The following ZNF701 variants were observed in gnomAD, a reference collection of about 807,000 sequenced individuals.
The protein encoded by ZNF701 is zinc finger protein 701.
A neutral mutation model predicts 7.1 loss-of-function variants in ZNF701; 6 were observed. The ratio of observed to expected loss-of-function variants is 0.84; its 90% CI spans 0.46 to 1.66. ZNF701 has a LOEUF of 1.66. Among genes scored for constraint, ZNF701 ranks in the 40% most tolerant of loss-of-function variants. ZNF701 has a pLI of 0.01. For missense variants in ZNF701, 541 were observed against 559.2 expected, an observed-to-expected ratio of 0.97 and a Z score of 0.33; for synonymous variants, 166 against 188.2, an observed-to-expected ratio of 0.88 and a Z score of 0.97.
Position 52,583,863 on chromosome 19 carries a change from G to A in ZNF701, c.*406G>A, listed in dbSNP as rs1009410123. The A allele has an allele frequency of 4.1e-6, 2 of 486,294 alleles. No individual in the cohort carries two copies. Among genetic ancestry groups the A allele is most frequent in the African/African-American group, 2.0e-5 (1 of 51,068 alleles). 30.1% of individuals were successfully genotyped at this position (486,294 alleles called of 1,614,324 possible). ...AAAACATTGGAGAATCCATAATGAA[G>A]GAGGTCTTACAAGTGTAATAAATGT... On this transcript the variant is annotated 3_prime_UTR_variant, in exon 4 of 4. Coordinates refer to ENST00000391785, the MANE Select transcript of ZNF701 (RefSeq NM_018260.3).
rs191437032 is a variant in ZNF701 at position 52,586,452 on chromosome 19, C to T, written c.*2995C>T. ...TCTCCTCTATCCAGGAGACGGGTTT[C>T]ACCATTTTGCCAGGTTTGTCTCAAA... On this transcript the variant is annotated 3_prime_UTR_variant, in exon 4 of 4. Coordinates refer to ENST00000391785, the MANE Select transcript of ZNF701 (RefSeq NM_018260.3). 8 of 152,266 alleles carry T rather than the reference C, an allele frequency of 5.3e-5. No individual in the cohort carries two copies. The highest frequency in any genetic ancestry group is 1.4e-4 in the African/African-American group (6 of 41,560). 9.4% of individuals were successfully genotyped at this position (152,266 alleles called of 1,614,324 possible).
chr19:52,577,570 G>C (rs802862), intron 3 of ZNF701, among the ~76,000 whole-genome samples: 96,556 of 149,170 alleles, frequency 0.65, 32,368 homozygotes, highest in African/African-American at 0.82. Context: ...GGTATAGGGT[G>C]AGGTGCTGAA....
At chr19:52,578,882 C>G in intron 3 of ZNF701, among the ~76,000 whole-genome samples, 1 of 151,956 alleles carries the variant, frequency 6.6e-6, no homozygotes, top group Non-Finnish European at 1.5e-5. Context: ...CTCAGCCTCC[C>G]GAGTACCTGG....
intron 1 of ZNF701, among the ~76,000 whole-genome samples, chr19:52,573,428 G>A (rs1193535836): frequency 6.6e-6 from 1 of 152,058 alleles, no homozygotes; most frequent in East Asian, 1.9e-4. Context: ...GTAGATATGG[G>A]GTTTCACCAT....
intron 3 of ZNF701, among the ~76,000 whole-genome samples, chr19:52,578,298 G>A (rs1017337565): frequency 1.0e-4 from 15 of 143,490 alleles, no homozygotes; most frequent in Non-Finnish European, 1.4e-4. Flanking sequence ...AGAAGAAAAC[G>A]CTAACGTATG....
chr19:52,597,437 CTA>C, the ZNF701 span: 1 of 479,968 alleles, frequency 2.1e-6, no homozygotes, highest in Non-Finnish European at 4.2e-6. Context: ...AATACAGTGA[CTA>C]TAGAAGATCA....
intron 1 of ZNF701, among the ~76,000 whole-genome samples, chr19:52,573,380 C>G (rs1237011402): frequency 6.6e-6 from 1 of 152,154 alleles, no homozygotes; most frequent in Non-Finnish European, 1.5e-5. Flanking sequence ...GCTGGGCTTA[C>G]CAATGCCCAC....
Position 52,586,806 on chromosome 19 carries a change from A to C in ZNF701, c.*3349A>C, listed in dbSNP as rs569325232. The C allele has an allele frequency of 6.6e-6, 1 of 152,264 alleles. No individual in the cohort carries two copies. The highest frequency in any genetic ancestry group is 1.5e-5 in the Non-Finnish European group (1 of 68,026). 9.4% of individuals were successfully genotyped at this position (152,264 alleles called of 1,614,324 possible). A position where few individuals can be genotyped will look rare whatever the true frequency, so the allele number is the denominator to read the frequency against. ...CAATGGAGTGTGTGGCTTTTCCTGT[A>C]GGACAGGGAGGTATTTAGTTGTAGT... On this transcript the variant is annotated 3_prime_UTR_variant, in exon 4 of 4. Transcript: ENST00000391785.
rs961193135 is a variant in ZNF701, at chr19:52,585,012, G to A, written c.*1555G>A. Reference sequence around the variant, plus strand: ...TCTCTGGTACTGCTATACCGGGGACGTGGGTGTCTCCACAGACCTGGAAAT... The same window carrying A: ...TCTCTGGTACTGCTATACCGGGGACATGGGTGTCTCCACAGACCTGGAAAT... On this transcript the variant is annotated 3_prime_UTR_variant, in exon 4 of 4. Transcript: ENST00000391785. 2.0e-4 allele frequency: 31 copies of A among 152,288 alleles called. No individual in the cohort carries two copies. The highest frequency in any genetic ancestry group is 7.0e-4 in the African/African-American group (29 of 41,456). The allele number at this position is 152,288 out of a possible 1,614,324, so 9.4% of individuals were successfully genotyped here.
At chr19:52,592,255 A>G in the ZNF701 span, 1 of 1,561,216 alleles carries the variant, frequency 6.4e-7, no homozygotes, top group South Asian at 1.1e-5. Flanking sequence ...TCCAGACATG[A>G]GGAATCTGCC....
intron 3 of ZNF701, among the ~76,000 whole-genome samples, chr19:52,581,148 A>T (rs529968638): frequency 3.0e-4 from 45 of 152,234 alleles, no homozygotes; most frequent in African/African-American, 7.2e-4. Flanking sequence ...AAAATTTTTA[A>T]AAAAAAGTCA....
intron 2 of ZNF701, chr19:52,575,604 G>GTCCTCCCA (rs1222637929): frequency 5.7e-6 from 2 of 353,398 alleles, no homozygotes; most frequent in Non-Finnish European, 1.1e-5. Flanking sequence ...AGGTCAAGCC[G>GTCCTCCCA]TCCTCCCACC....
intron 2 of ZNF701, among the ~76,000 whole-genome samples, chr19:52,575,496 T>G (rs1002850984): frequency 2.1e-4 from 32 of 152,014 alleles, no homozygotes; most frequent in Admixed American, 1.4e-3. Flanking sequence ...TTAATTTTAT[T>G]TTCATGTATT....
At chr19:52,589,513 CTT>C (rs1296580553), downstream of ZNF701, among the ~76,000 whole-genome samples, 1 of 137,780 alleles carries the variant, frequency 7.3e-6, no homozygotes, top group Non-Finnish European at 1.5e-5. Flanking sequence ...GAGTTTTGCT[CTT>C]GTCACCCAGG....
chr19:52,586,608 C>A lies in ZNF701; in HGVS notation c.*3151C>A, dbSNP rs1197770844. 6.6e-6 allele frequency: 1 copy of A among 152,124 alleles called. No homozygotes were observed. The highest frequency in any genetic ancestry group is 1.5e-5 in the Non-Finnish European group (1 of 68,034). 9.4% of individuals were successfully genotyped at this position (152,124 alleles called of 1,614,324 possible). On this transcript the variant is annotated 3_prime_UTR_variant, in exon 4 of 4. Transcript: ENST00000391785. ...AACGCAGCCTGTTGACCCTTCCTGG[C>A]CATCACATGAAAATCAGCGACTCTT... is the stretch of plus-strand genomic sequence containing the variant.
intron 3 of ZNF701, among the ~76,000 whole-genome samples, chr19:52,581,795 G>A (rs2146992648): frequency 6.6e-6 from 1 of 152,262 alleles, no homozygotes; most frequent in South Asian, 2.1e-4. Flanking sequence ...TACCAAAATA[G>A]TACCTTGTCT....
At chr19:52,592,010 A>G (rs567129335), downstream of ZNF701, 33 of 610,842 alleles carry the variant, frequency 5.4e-5, no homozygotes, top group African/African-American at 5.6e-4. Context: ...GTCTTGGATC[A>G]AATCGATACT....
chr19:52,590,014 G>C (rs901024271), downstream of ZNF701, among the ~76,000 whole-genome samples: 8 of 151,794 alleles, frequency 5.3e-5, no homozygotes, highest in Non-Finnish European at 7.4e-5. Flanking sequence ...GGCTGGTCTC[G>C]ATCTCCCGAC....
chr19:52,572,707 G>A (rs1192758999), intron 1 of ZNF701: 3 of 348,754 alleles, frequency 8.6e-6, no homozygotes, highest in African/African-American at 2.2e-5. Context: ...ACCCTCCATG[G>A]GCTTCCTGTG....
Sources: gnomAD v4.1 joint callset for allele counts (sites outside exome capture counted in the v4.1 genomes callset) on GRCh38, gnomAD v4.1.1 for gene constraint, MANE v1.5 for transcripts, NCBI Gene and HGNC (gene_info 2026-07-23, HGNC 2026-07-21) for gene names.